CSMD1: variants seen among roughly 807,000 people sequenced by gnomAD.
The protein encoded by CSMD1 is CUB and Sushi multiple domains 1.
CSMD1 carries 213 observed loss-of-function variants against 417.5 expected under a neutral mutation model. The observed-to-expected ratio is 0.51, with a 90% CI of 0.46 to 0.57. CSMD1 has a LOEUF of 0.57. Ranked by LOEUF, CSMD1 falls within the 20% of genes least tolerant of loss-of-function variation. The pLI, the probability that CSMD1 is intolerant of heterozygous loss-of-function variation, is 0.00. For missense variants in CSMD1, 6,923 were observed against 4,529.7 expected (o/e 1.53, Z -15.17); for synonymous variants, 2,862 against 1,736.8 (o/e 1.65, Z -16.11).
intron 61 of CSMD1, 133 bp from the exon 62 acceptor site, chr8:2,961,347 A>T (rs555982825): frequency 9.1e-6 from 4 of 437,860 alleles, no homozygotes; most frequent in Non-Finnish European, 1.7e-5. Context: ...GTTTTTCAGG[A>T]AAGTTAAAAA....
chr8:4,260,711 TTAA>T (rs1563351925), intron 3 of CSMD1, among the ~76,000 whole-genome samples: 1 of 152,214 alleles, frequency 6.6e-6, no homozygotes, highest in African/African-American at 2.4e-5. Context: ...CGTTGGTTTA[TTAA>T]TATCTTCTTA....
intron 3 of CSMD1, among the ~76,000 whole-genome samples, chr8:4,381,170 T>G (rs901642416): frequency 6.6e-5 from 10 of 152,202 alleles, no homozygotes; most frequent in African/African-American, 2.4e-4. Flanking sequence ...TAAAAATATG[T>G]ATTACAGTTC....
chr8:4,785,550 A>T (rs768932687), intron 1 of CSMD1, among the ~76,000 whole-genome samples: 1 of 152,122 alleles, frequency 6.6e-6, no homozygotes, highest in Non-Finnish European at 1.5e-5. Context: ...AAATGCTGTG[A>T]TTCACATCCA....
At chr8:3,835,645 G>C (rs1347239842) in intron 5 of CSMD1, among the ~76,000 whole-genome samples, 2 of 151,716 alleles carry the variant, frequency 1.3e-5, no homozygotes, top group East Asian at 3.9e-4. Context: ...ACACCAACAT[G>C]GCACATGTAT....
At chr8:4,790,044 A>C (rs1285940852) in intron 1 of CSMD1, among the ~76,000 whole-genome samples, 1 of 152,212 alleles carries the variant, frequency 6.6e-6, no homozygotes, top group Non-Finnish European at 1.5e-5. Flanking sequence ...TTATGTGTGA[A>C]TCTTCAGAGA....
chr8:3,897,131 C>T (rs1421336213), intron 5 of CSMD1, among the ~76,000 whole-genome samples: 1 of 152,120 alleles, frequency 6.6e-6, no homozygotes, highest in African/African-American at 2.4e-5. Flanking sequence ...ATCACAGAGA[C>T]CCAGTGTTTT....
chr8:4,413,768 A>C (rs970478898), intron 3 of CSMD1, among the ~76,000 whole-genome samples: 1 of 152,004 alleles, frequency 6.6e-6, no homozygotes, highest in African/African-American at 2.4e-5. Flanking sequence ...ATGGAGGACA[A>C]ACGAGAGATT....
chr8:3,739,051 T>A (rs993621904), intron 6 of CSMD1, among the ~76,000 whole-genome samples: 2 of 152,234 alleles, frequency 1.3e-5, no homozygotes, highest in East Asian at 3.8e-4. Context: ...CTAGTTATGT[T>A]CTTACATTTC....
intron 3 of CSMD1, among the ~76,000 whole-genome samples, chr8:4,376,719 A>C (rs184990794): frequency 6.6e-6 from 1 of 152,316 alleles, no homozygotes. Context: ...AACTGATTGC[A>C]TTTTAACTTG....
At chr8:3,540,151 A>T (rs1238962909) in intron 10 of CSMD1, among the ~76,000 whole-genome samples, 2 of 152,206 alleles carry the variant, frequency 1.3e-5, no homozygotes, top group African/African-American at 4.8e-5. Flanking sequence ...ATTAAACTGA[A>T]CTGAGTGTAA....
intron 51 of CSMD1, among the ~76,000 whole-genome samples, chr8:3,019,997 G>C (rs1454259071): frequency 1.3e-5 from 2 of 152,262 alleles, no homozygotes; most frequent in Non-Finnish European, 2.9e-5. Context: ...GCAGCCTGCA[G>C]TGGCAAACAT....
intron 11 of CSMD1, among the ~76,000 whole-genome samples, chr8:3,490,302 T>TA (rs1211071052): frequency 6.6e-6 from 1 of 152,222 alleles, no homozygotes; most frequent in Non-Finnish European, 1.5e-5. Context: ...GAGAAGGCGC[T>TA]AATAACACTT....
intron 4 of CSMD1, among the ~76,000 whole-genome samples, chr8:4,024,769 A>C (rs1007085813): frequency 6.6e-6 from 1 of 152,194 alleles, no homozygotes; most frequent in Non-Finnish European, 1.5e-5. Context: ...CGGCATACAT[A>C]AACATACGTA....
chr8:4,703,774 T>G (rs946333576), intron 1 of CSMD1, among the ~76,000 whole-genome samples: 1 of 152,114 alleles, frequency 6.6e-6, no homozygotes, highest in Non-Finnish European at 1.5e-5. Flanking sequence ...CAGAAAAGCA[T>G]TGGGATACGA....
intron 3 of CSMD1, among the ~76,000 whole-genome samples, chr8:4,299,247 A>G (rs992363120): frequency 1.3e-5 from 2 of 152,196 alleles, no homozygotes; most frequent in African/African-American, 4.8e-5. Flanking sequence ...GACACTGTAA[A>G]TATTTAAATT....
intron 3 of CSMD1, among the ~76,000 whole-genome samples, chr8:4,054,080 C>G (rs113442079): frequency 2.9e-4 from 44 of 152,224 alleles, no homozygotes; most frequent in African/African-American, 1.0e-3. Context: ...CTCTCTCTGT[C>G]GCAGTTCACT....
rs571815115 is a variant in CSMD1, at chr8:3,373,897, G to A, written c.2783-4527C>T. Among the ~76,000 whole-genome samples, 63 of 151,942 alleles carry A rather than the reference G, an allele frequency of 4.1e-4. No individual in the cohort carries two copies. In the South Asian group the frequency reaches 0.012, roughly 29 times the overall value. ...ATGCAGAAATCATTGAAGAACAAAA[G>A]AGGAGACATACGTTGTGATATTTTC... On this transcript the variant is annotated intron_variant, in intron 18 of 69. Transcript: ENST00000635120.
chr8:4,525,831 G>C (rs745347375), intron 2 of CSMD1, among the ~76,000 whole-genome samples: 6 of 152,122 alleles, frequency 3.9e-5, no homozygotes, highest in Non-Finnish European at 5.9e-5. Context: ...CTTCCCAGGA[G>C]GCCCTCTTGA....
chr8:4,706,073 C>T (rs1231072926), intron 1 of CSMD1, among the ~76,000 whole-genome samples: 2 of 150,248 alleles, frequency 1.3e-5, no homozygotes, highest in Non-Finnish European at 3.0e-5. Context: ...ATACATGATA[C>T]ATAAAATTTT....
Sources: allele counts gnomAD v4.1 joint callset (sites outside exome capture counted in the v4.1 genomes callset), GRCh38; gene constraint gnomAD v4.1.1; transcripts MANE v1.5; gene names NCBI Gene and HGNC (gene_info 2026-07-23, HGNC 2026-07-21).